Variants in SLC14A2 observed in about 807,000 individuals in gnomAD.
SLC14A2 encodes solute carrier family 14 member 2, also known as urea transporter 2.
Under a neutral mutation model 104.6 loss-of-function variants are expected in SLC14A2, and 91 were observed. The ratio of observed to expected loss-of-function variants is 0.87; its 90% CI spans 0.73 to 1.04. SLC14A2 has a LOEUF of 1.04. Among genes scored for constraint, SLC14A2 ranks in the 50% least tolerant of loss-of-function variants. SLC14A2 has a pLI of 0.00. For missense variants in SLC14A2, 1,189 were observed against 1,156.0 expected, an observed-to-expected ratio of 1.03 and a Z score of -0.41; for synonymous variants, 476 against 466.4, an observed-to-expected ratio of 1.02 and a Z score of -0.27.
intron 1 of SLC14A2, among the ~76,000 whole-genome samples, chr18:45,313,501 A>C (rs1336518848): frequency 6.6e-6 from 1 of 152,156 alleles, no homozygotes; most frequent in Non-Finnish European, 1.5e-5. Flanking sequence ...TAATGAGCAA[A>C]ATTATATAGA....
At chr18:45,212,934 A>G (rs1267475998), upstream of SLC14A2, 4 of 152,346 alleles carry the variant, frequency 2.6e-5, no homozygotes, top group African/African-American at 9.7e-5. Context: ...GGGGGATCCA[A>G]CTTTCTGCTC....
At chr18:45,312,659 G>A (rs571970041) in intron 1 of SLC14A2, among the ~76,000 whole-genome samples, 4 of 152,336 alleles carry the variant, frequency 2.6e-5, no homozygotes, top group Admixed American at 1.3e-4. Flanking sequence ...TCTGCAATCA[G>A]CTGAAAGCCT....
Position 45,668,002 on chromosome 18 carries a change from C to T in SLC14A2, c.1887C>T (p.Ala629=). Residue 629 remains alanine (A), a synonymous_variant, in exon 14 of 20, where the codon GCC becomes GCT. Transcript: ENST00000255226. Reference sequence around the variant, plus strand: ...GTACCATCATGTCCACCTTGACAGCCCTCATCCTGAGTCAGGACAAGTAAG... The same window carrying T: ...GTACCATCATGTCCACCTTGACAGCTCTCATCCTGAGTCAGGACAAGTAAG... ...CLGTIMSTLT[A]LILSQDKSAI... is the part of the protein sequence containing the mutation. 1 of 1,614,092 alleles carries T rather than the reference C, an allele frequency of 6.2e-7. No homozygotes were observed. Among genetic ancestry groups the T allele is most frequent in the South Asian group, 1.1e-5 (1 of 91,078 alleles).
intron 2 of SLC14A2, among the ~76,000 whole-genome samples, chr18:45,541,541 TAC>T (rs1442993289): frequency 1.3e-5 from 2 of 152,380 alleles, no homozygotes; most frequent in East Asian, 3.9e-4. Flanking sequence ...GGGCTTCTAG[TAC>T]AGAGTAGTTC....
intron 1 of SLC14A2, among the ~76,000 whole-genome samples, chr18:45,409,508 C>A (rs1159284596): frequency 1.3e-5 from 2 of 152,124 alleles, no homozygotes; most frequent in African/African-American, 4.8e-5. Context: ...TCTTCACTCC[C>A]CAAAGTATTA....
At chr18:45,593,463 T>C (rs1439451810) in intron 2 of SLC14A2, among the ~76,000 whole-genome samples, 1 of 150,820 alleles carries the variant, frequency 6.6e-6, no homozygotes, top group Non-Finnish European at 1.5e-5. Context: ...TTCTGAGATA[T>C]GATAACTAAG....
intron 1 of SLC14A2, among the ~76,000 whole-genome samples, chr18:45,456,303 C>T (rs1000446538): frequency 5.3e-5 from 8 of 152,310 alleles, no homozygotes; most frequent in African/African-American, 1.7e-4. Flanking sequence ...GCACCATCTG[C>T]GACCATTCAT....
chr18:45,670,999 T>C (rs984745806), intron 16 of SLC14A2, among the ~76,000 whole-genome samples: 2 of 152,120 alleles, frequency 1.3e-5, no homozygotes, highest in African/African-American at 2.4e-5. Flanking sequence ...TTGATCATTT[T>C]GTGTGTGTGA....
intron 1 of SLC14A2, among the ~76,000 whole-genome samples, chr18:45,220,438 G>A (rs1245327958): frequency 6.6e-6 from 1 of 152,192 alleles, no homozygotes; most frequent in Admixed American, 6.5e-5. Flanking sequence ...AGGGGAAAAG[G>A]TGTTTAGCAA....
intron 10 of SLC14A2, among the ~76,000 whole-genome samples, chr18:45,653,820 G>A (rs1599127536): frequency 6.6e-6 from 1 of 152,346 alleles, no homozygotes; most frequent in East Asian, 1.9e-4. Context: ...CCATTCAGAT[G>A]CTGATGGCAA....
exon 2 of SLC14A2, chr18:45,483,258 G>A (rs2144703366): frequency 6.6e-6 from 1 of 152,168 alleles, no homozygotes; most frequent in South Asian, 2.1e-4. Flanking sequence ...ACTACTTGTG[G>A]TCAACTAAGT....
At chr18:45,613,851 TA>T (rs2045014307), upstream of SLC14A2, among the ~76,000 whole-genome samples, 1 of 152,212 alleles carries the variant, frequency 6.6e-6, no homozygotes, top group Admixed American at 6.5e-5. Context: ...AAGTAGAGCA[TA>T]AAAGTTGGGA....
intron 1 of SLC14A2, among the ~76,000 whole-genome samples, chr18:45,266,214 C>T (rs1312340205): frequency 1.3e-5 from 2 of 152,118 alleles, no homozygotes; most frequent in Non-Finnish European, 2.9e-5. Flanking sequence ...TTCCCTACTG[C>T]TTCAGTAAGG....
intron 2 of SLC14A2, among the ~76,000 whole-genome samples, chr18:45,595,580 G>T (rs1029647015): frequency 2.6e-5 from 4 of 152,144 alleles, no homozygotes; most frequent in Admixed American, 2.0e-4. Context: ...GCTAGAAATT[G>T]TGTACTCTCC....
intron 2 of SLC14A2, among the ~76,000 whole-genome samples, chr18:45,501,632 GC>G (rs775036421): frequency 8.5e-5 from 13 of 152,328 alleles, no homozygotes; most frequent in Non-Finnish European, 1.9e-4. Context: ...GGGACACTGG[GC>G]AAGGATAAAG....
At chr18:45,580,446 T>C (rs1815956) in intron 2 of SLC14A2, among the ~76,000 whole-genome samples, 1 of 151,392 alleles carries the variant, frequency 6.6e-6, no homozygotes, top group Admixed American at 6.6e-5. Context: ...TTAGAGAGAG[T>C]GTGGGGAGGA....
intron 1 of SLC14A2, among the ~76,000 whole-genome samples, chr18:45,353,308 G>A (rs974634348): frequency 1.3e-5 from 2 of 152,172 alleles, no homozygotes; most frequent in Non-Finnish European, 2.9e-5. Context: ...CCACAGTGGT[G>A]GAAGACAGTT....
At chr18:45,644,882 A>C (rs1467697029) in intron 10 of SLC14A2, among the ~76,000 whole-genome samples, 2 of 152,138 alleles carry the variant, frequency 1.3e-5, no homozygotes, top group Non-Finnish European at 2.9e-5. Flanking sequence ...AAGTTCTGGG[A>C]TACATGTGCA....
At chr18:45,417,780 A>T (rs1189570551) in intron 1 of SLC14A2, among the ~76,000 whole-genome samples, 2 of 151,776 alleles carry the variant, frequency 1.3e-5, no homozygotes, top group Non-Finnish European at 1.5e-5. Flanking sequence ...ATAATTACTT[A>T]AAAAAAAATC....
Sources: gnomAD v4.1 joint callset for allele counts (sites outside exome capture counted in the v4.1 genomes callset) on GRCh38, gnomAD v4.1.1 for gene constraint, MANE v1.5 for transcripts, NCBI Gene and HGNC (gene_info 2026-07-23, HGNC 2026-07-21) for gene names.